The following POLN variants were observed in gnomAD, a reference collection of about 807,000 sequenced individuals.
POLN encodes the protein DNA polymerase N.
POLN carries 108 observed loss-of-function variants against 113.5 expected under a neutral mutation model. The observed-to-expected ratio is 0.95, with a 90% CI of 0.81 to 1.12. The LOEUF is 1.12. Ranked by LOEUF, POLN falls within the 50% of genes most tolerant of loss-of-function variation. The probability of loss-of-function intolerance (pLI) is 0.00; values close to 1 mark genes in which losing one functional copy is unlikely to be tolerated. For missense variants in POLN, 1,097 were observed against 1,077.1 expected, an observed-to-expected ratio of 1.02 and a Z score of -0.26; for synonymous variants, 386 against 391.5, an observed-to-expected ratio of 0.99 and a Z score of 0.17.
At chr4:2,151,237 G>A (rs147283829) in intron 16 of POLN, among the ~76,000 whole-genome samples, 2 of 152,172 alleles carry the variant, frequency 1.3e-5, no homozygotes, top group Non-Finnish European at 2.9e-5. Context: ...AGTGATCAGG[G>A]TAATGCAATG....
chr4:2,137,923 C>T (rs765369742), intron 16 of POLN, among the ~76,000 whole-genome samples: 1 of 152,142 alleles, frequency 6.6e-6, no homozygotes, highest in Non-Finnish European at 1.5e-5. Flanking sequence ...ACTGCAACCT[C>T]CTCCTCCTGG....
At chr4:2,102,951 A>C (rs1351231688) in intron 19 of POLN, among the ~76,000 whole-genome samples, 1 of 152,230 alleles carries the variant, frequency 6.6e-6, no homozygotes, top group East Asian at 1.9e-4. Context: ...AAAAAATAAG[A>C]AGCAGCAACT....
At chr4:2,219,304 C>G (rs1560097948) in intron 3 of POLN, among the ~76,000 whole-genome samples, 2 of 152,166 alleles carry the variant, frequency 1.3e-5, no homozygotes, top group Non-Finnish European at 2.9e-5. Flanking sequence ...ATCCCTTTCC[C>G]CCTTGTATAA....
At chr4:2,134,749 T>C (rs924418226) in intron 16 of POLN, among the ~76,000 whole-genome samples, 1 of 152,192 alleles carries the variant, frequency 6.6e-6, no homozygotes, top group African/African-American at 2.4e-5. Flanking sequence ...ATCCTTGACA[T>C]CTCTCAGTTC....
intron 3 of POLN, among the ~76,000 whole-genome samples, chr4:2,213,671 C>T (rs949952238): frequency 3.3e-5 from 5 of 151,948 alleles, no homozygotes; most frequent in Non-Finnish European, 4.4e-5. Context: ...CAATAACAAC[C>T]TGAAATGCAA....
chr4:2,138,018 T>C (rs1190928521), intron 16 of POLN, among the ~76,000 whole-genome samples: 1 of 152,268 alleles, frequency 6.6e-6, no homozygotes, highest in African/African-American at 2.4e-5. Context: ...CTTGTATTTT[T>C]GGTACAGACA....
intron 16 of POLN, among the ~76,000 whole-genome samples, chr4:2,140,562 C>T (rs1246074313): frequency 6.6e-6 from 1 of 152,100 alleles, no homozygotes; most frequent in East Asian, 1.9e-4. Flanking sequence ...GCCTGGCCAC[C>T]ATGGCAGAGC....
chr4:2,129,551 A>G (rs1247975597), intron 17 of POLN, among the ~76,000 whole-genome samples: 1 of 151,786 alleles, frequency 6.6e-6, no homozygotes, highest in Non-Finnish European at 1.5e-5. Flanking sequence ...TGCCATGACC[A>G]GCTGATTTTA....
At chr4:2,090,862 C>G (rs1730648019) in intron 20 of POLN, among the ~76,000 whole-genome samples, 1 of 152,196 alleles carries the variant, frequency 6.6e-6, no homozygotes, top group Non-Finnish European at 1.5e-5. Context: ...AGGATCTGAG[C>G]AGAGTTCAAA....
At chr4:2,145,727 G>T (rs1003026895) in intron 16 of POLN, among the ~76,000 whole-genome samples, 2 of 152,156 alleles carry the variant, frequency 1.3e-5, no homozygotes, top group Non-Finnish European at 2.9e-5. Context: ...TCATTTGGAG[G>T]GTGTTTAGTG....
intron 16 of POLN, among the ~76,000 whole-genome samples, chr4:2,132,984 T>C (rs904547962): frequency 6.6e-6 from 1 of 152,168 alleles, no homozygotes; most frequent in Admixed American, 6.5e-5. Context: ...TTTTGCATCT[T>C]ATTTGAAGTG....
chr4:2,153,894 T>A lies in POLN; in HGVS notation c.1731+2894A>T, dbSNP rs114383845. On this transcript the variant is annotated intron_variant, in intron 16 of 25. Transcript: ENST00000511885. ...CCACTGCACCCGGCTGTTATTTGTA[T>A]AATTTTAAAAAGCCATTTTAAGGCC... Among the ~76,000 whole-genome samples, 1,298 of 151,898 alleles carry A rather than the reference T, an allele frequency of 8.5e-3. 23 individuals are homozygous for A. The highest frequency in any genetic ancestry group is 0.03 in the African/African-American group (1,240 of 41,476).
At chr4:2,193,422 TA>T in intron 6 of POLN, 106 bp from the exon 7 acceptor site, 1 of 654,054 alleles carries the variant, frequency 1.5e-6, no homozygotes, top group Non-Finnish European at 2.6e-6. Flanking sequence ...AGATAGCACA[TA>T]CACACATTCA....
At chr4:2,110,725 C>A (rs923799727) in intron 19 of POLN, among the ~76,000 whole-genome samples, 1 of 152,114 alleles carries the variant, frequency 6.6e-6, no homozygotes, top group Admixed American at 6.5e-5. Flanking sequence ...CAATAACAGG[C>A]TCTGAAAATG....
At chr4:2,110,424 C>A (rs900172797) in intron 19 of POLN, among the ~76,000 whole-genome samples, 52 of 152,024 alleles carry the variant, frequency 3.4e-4, no homozygotes, top group Non-Finnish European at 5.9e-4. Context: ...ACACAAAAAA[C>A]CCTTCAAAAA....
intron 19 of POLN, among the ~76,000 whole-genome samples, chr4:2,101,937 G>C (rs1730937026): frequency 6.6e-6 from 1 of 152,192 alleles, no homozygotes; most frequent in African/African-American, 2.4e-5. Context: ...TGAGCTGCCA[G>C]GTCTGACTGA....
chr4:2,234,955 G>A (rs919102518), intron 2 of POLN, among the ~76,000 whole-genome samples: 9 of 152,182 alleles, frequency 5.9e-5, no homozygotes, highest in African/African-American at 2.2e-4. Flanking sequence ...GCGCGATCTT[G>A]ACTCACTGCA....
In POLN at chr4:2,127,758, C is replaced by T. The variant is rs114385033; in HGVS notation, c.1982+355G>A. On this transcript the variant is annotated intron_variant, in intron 19 of 25. Transcript: ENST00000511885. The surrounding 1 kb of genome is among the most constrained non-coding windows in gnomAD (Gnocchi z 4.7). The stretch of plus-strand genomic sequence containing the variant: ...CCACAGATGGGCTGGGGCGTGAGTA[C>T]GCAGCAAGCACCTTGGCTCTCCTCG... Among the ~76,000 whole-genome samples, 738 of 152,364 alleles carry T rather than the reference C, an allele frequency of 4.8e-3. 9 individuals carry two copies. Among genetic ancestry groups the T allele is most frequent in the African/African-American group, 0.016 (670 of 41,584 alleles).
intron 17 of POLN, 87 bp from the exon 18 acceptor site, chr4:2,129,343 T>G: frequency 1.2e-6 from 1 of 848,878 alleles, no homozygotes; most frequent in South Asian, 1.5e-5. Flanking sequence ...TTGAATATTA[T>G]TCTGAAGTCC....
Sources: allele counts gnomAD v4.1 joint callset (sites outside exome capture counted in the v4.1 genomes callset), GRCh38; gene constraint gnomAD v4.1.1; non-coding constraint Gnocchi (gnomAD v3.1); transcripts MANE v1.5; gene names NCBI Gene and HGNC (gene_info 2026-07-23, HGNC 2026-07-21).